Variants in RALYL observed in about 807,000 individuals in gnomAD.
The protein encoded by RALYL is RALY RNA binding protein like.
Under a neutral mutation model 35.1 loss-of-function variants are expected in RALYL, and 29 were observed. The observed-to-expected ratio is 0.83, with a 90% CI of 0.61 to 1.13. The LOEUF (loss-of-function observed/expected upper bound fraction) is 1.13. RALYL is among the 50% of genes most tolerant of loss of function. The pLI, the probability that RALYL is intolerant of heterozygous loss-of-function variation, is 0.00. For synonymous variants in RALYL, 120 were observed against 127.6 expected (o/e 0.94, Z 0.40); for missense variants, 359 against 360.4 (o/e 1.00, Z 0.03).
intron 1 of RALYL, among the ~76,000 whole-genome samples, chr8:84,458,286 C>G (rs377603013): frequency 6.6e-6 from 1 of 151,742 alleles, no homozygotes. Context: ...TCTTCATACC[C>G]TGGCTGAGTG....
At chr8:84,814,701 G>A (rs572022834) in intron 4 of RALYL, among the ~76,000 whole-genome samples, 2 of 152,286 alleles carry the variant, frequency 1.3e-5, no homozygotes, top group South Asian at 4.1e-4. Context: ...GTGAAAAGAA[G>A]TTGAGTGAAA....
At chr8:84,505,832 A>T (rs2057123044) in intron 1 of RALYL, among the ~76,000 whole-genome samples, 1 of 152,194 alleles carries the variant, frequency 6.6e-6, no homozygotes. Flanking sequence ...TAATATTATT[A>T]GATGGTAAGG....
At chr8:84,753,899 G>C (rs1810697383) in intron 2 of RALYL, among the ~76,000 whole-genome samples, 1 of 152,224 alleles carries the variant, frequency 6.6e-6, no homozygotes, top group South Asian at 2.1e-4. Flanking sequence ...GTGATGATGA[G>C]CATTTTTTCA....
chr8:84,358,923 T>C (rs931717901), intron 1 of RALYL, among the ~76,000 whole-genome samples: 2 of 152,170 alleles, frequency 1.3e-5, no homozygotes, highest in African/African-American at 4.8e-5. Context: ...CCAGAACATA[T>C]GTAAAATTGC....
intron 1 of RALYL, among the ~76,000 whole-genome samples, chr8:84,458,493 T>C (rs2050390712): frequency 6.6e-6 from 1 of 151,796 alleles, no homozygotes; most frequent in African/African-American, 2.4e-5. Context: ...CAGAAATTCA[T>C]TTTATTTCAA....
At chr8:84,736,372 T>A (rs1001641584) in intron 2 of RALYL, among the ~76,000 whole-genome samples, 1 of 152,080 alleles carries the variant, frequency 6.6e-6, no homozygotes, top group Non-Finnish European at 1.5e-5. Flanking sequence ...ATTTGGGGGA[T>A]GACTGGAAAC....
intron 3 of RALYL, among the ~76,000 whole-genome samples, chr8:84,779,653 C>G (rs1817634687): frequency 6.6e-6 from 1 of 152,170 alleles, no homozygotes; most frequent in Non-Finnish European, 1.5e-5. Flanking sequence ...GTTACAGCCA[C>G]CATTTTAAGA....
chr8:84,585,505 T>C (rs1190670878), intron 2 of RALYL, among the ~76,000 whole-genome samples: 1 of 152,216 alleles, frequency 6.6e-6, no homozygotes, highest in Non-Finnish European at 1.5e-5. Flanking sequence ...AGTTAACGTG[T>C]ATATACAAAT....
chr8:84,661,259 A>C (rs1830852097), intron 2 of RALYL, among the ~76,000 whole-genome samples: 1 of 151,932 alleles, frequency 6.6e-6, no homozygotes, highest in South Asian at 2.1e-4. Context: ...AGGGACCATA[A>C]ATTATTATTA....
At chr8:84,734,871 C>A (rs1846939132) in intron 2 of RALYL, among the ~76,000 whole-genome samples, 1 of 151,862 alleles carries the variant, frequency 6.6e-6, no homozygotes, top group Admixed American at 6.6e-5. Flanking sequence ...AAAGAACCAA[C>A]AATTAAATAA....
intron 3 of RALYL, among the ~76,000 whole-genome samples, chr8:84,801,665 G>A (rs1156886322): frequency 6.6e-6 from 1 of 152,150 alleles, no homozygotes; most frequent in Non-Finnish European, 1.5e-5. Flanking sequence ...AATGCTAAGT[G>A]TACCAAAGCA....
chr8:84,229,912 A>C (rs1824920836), intron 1 of RALYL, among the ~76,000 whole-genome samples: 1 of 152,184 alleles, frequency 6.6e-6, no homozygotes, highest in African/African-American at 2.4e-5. Context: ...TAGGATAAGA[A>C]GATTGCTTGT....
intron 2 of RALYL, among the ~76,000 whole-genome samples, chr8:84,600,802 CAG>C (rs753995759): frequency 2.0e-5 from 3 of 152,072 alleles, no homozygotes; most frequent in Non-Finnish European, 4.4e-5. Flanking sequence ...GGCAAACTGA[CAG>C]TGTGGTATTA....
chr8:84,658,727 G>A (rs1830380584), intron 2 of RALYL, among the ~76,000 whole-genome samples: 1 of 152,010 alleles, frequency 6.6e-6, no homozygotes, highest in Admixed American at 6.6e-5. Context: ...GAAAAGTGAA[G>A]TAAAAGAAAA....
intron 1 of RALYL, among the ~76,000 whole-genome samples, chr8:84,375,939 T>G (rs895988133): frequency 6.6e-6 from 1 of 151,868 alleles, no homozygotes; most frequent in African/African-American, 2.4e-5. Flanking sequence ...TTTCTTTCCT[T>G]GCAAACTGGT....
At chr8:84,290,697 G>A (rs372560071) in intron 1 of RALYL, among the ~76,000 whole-genome samples, 13 of 152,258 alleles carry the variant, frequency 8.5e-5, no homozygotes, top group East Asian at 5.8e-4. Context: ...CCATCTGGGC[G>A]TATACCTGCA....
At chr8:84,564,216 C>A (rs1410834389) in intron 2 of RALYL, among the ~76,000 whole-genome samples, 1 of 151,614 alleles carries the variant, frequency 6.6e-6, no homozygotes, top group Admixed American at 6.6e-5. Context: ...CATAAGTTTC[C>A]TCCTGTAGGT....
intron 2 of RALYL, among the ~76,000 whole-genome samples, chr8:84,552,187 T>C (rs1269266088): frequency 1.3e-5 from 2 of 150,168 alleles, no homozygotes; most frequent in African/African-American, 4.9e-5. Context: ...TTTTAAAATA[T>C]CTCCAAAGTT....
chr8:84,214,731 G>A (rs1437033116), intron 1 of RALYL, among the ~76,000 whole-genome samples: 1 of 152,036 alleles, frequency 6.6e-6, no homozygotes, highest in African/African-American at 2.4e-5. Context: ...TGTTACCAGT[G>A]TCTGTTACAG....
Sources: allele counts gnomAD v4.1 joint callset (sites outside exome capture counted in the v4.1 genomes callset), GRCh38; gene constraint gnomAD v4.1.1; transcripts MANE v1.5; gene names NCBI Gene and HGNC (gene_info 2026-07-23, HGNC 2026-07-21).